Variants in STK26 observed in about 807,000 individuals in gnomAD.
STK26 encodes the protein serine/threonine kinase 26.
In STK26, 14 loss-of-function variants were observed where a neutral mutation model predicts 34.7. The ratio of observed to expected loss-of-function variants is 0.40; its 90% CI spans 0.27 to 0.63. The LOEUF is 0.63. Ranked by LOEUF, STK26 falls within the 30% of genes least tolerant of loss-of-function variation. The probability of loss-of-function intolerance (pLI) is 0.38; values close to 1 mark genes in which losing one functional copy is unlikely to be tolerated. For synonymous variants in STK26, 100 were observed against 109.8 expected (o/e 0.91, Z 0.56); for missense variants, 226 against 309.1 (o/e 0.73, Z 2.02).
chrX:132,037,467 C>G (rs1044012857), intron 2 of STK26, among the ~76,000 whole-genome samples: 4 of 111,660 alleles, frequency 3.6e-5, no homozygotes, highest in African/African-American at 1.3e-4. Flanking sequence ...TTATATTTAT[C>G]AAGATTTTCA....
intron 4 of STK26, among the ~76,000 whole-genome samples, chrX:132,066,906 G>T (rs1927244240): frequency 9.0e-6 from 1 of 111,559 alleles, no homozygotes; most frequent in African/African-American, 3.3e-5. Flanking sequence ...TAAGTAGTGT[G>T]ACATTTGTCC....
At chrX:132,060,869 G>A (rs1464685155) in intron 3 of STK26, among the ~76,000 whole-genome samples, 1 of 110,184 alleles carries the variant, frequency 9.1e-6, no homozygotes, top group Admixed American at 9.7e-5. Flanking sequence ...CTCCCACCTC[G>A]GCCTCCCAAA....
intron 2 of STK26, among the ~76,000 whole-genome samples, chrX:132,054,255 C>T (rs1926782772): frequency 1.8e-5 from 2 of 112,230 alleles, no homozygotes; most frequent in Admixed American, 9.4e-5. Flanking sequence ...GAAACTTAAA[C>T]AGTTCACCTT....
At chrX:132,045,030 T>C (rs1320113089) in intron 2 of STK26, among the ~76,000 whole-genome samples, 2 of 107,640 alleles carry the variant, frequency 1.9e-5, no homozygotes, top group African/African-American at 3.4e-5. Context: ...GCTGAACTTA[T>C]TAGGTCCTTA....
chrX:132,069,871 C>A (rs774019121), intron 7 of STK26, among the ~76,000 whole-genome samples: 1 of 109,904 alleles, frequency 9.1e-6, no homozygotes, highest in African/African-American at 3.3e-5. Flanking sequence ...TCGTTTTTTT[C>A]TTGATCCTCA....
chrX:132,071,679 A>G (rs1282413114), intron 8 of STK26, among the ~76,000 whole-genome samples: 1 of 111,783 alleles, frequency 8.9e-6, no homozygotes, highest in Non-Finnish European at 1.9e-5. Flanking sequence ...TTATTTCTTG[A>G]AAAAGTTGTA....
At chrX:132,072,696 G>T (rs771522922) in intron 9 of STK26, 117 bp from the exon 10 acceptor site, 23 of 741,607 alleles carry the variant, frequency 3.1e-5, no homozygotes, top group Non-Finnish European at 4.5e-5. Context: ...GACTTGCCTT[G>T]CATACAATCT....
At chrX:132,059,504 C>T (rs967878480) in intron 3 of STK26, among the ~76,000 whole-genome samples, 1 of 112,165 alleles carries the variant, frequency 8.9e-6, no homozygotes, top group African/African-American at 3.2e-5. Flanking sequence ...AGTATGACCA[C>T]AGTGTTTTCC....
intron 4 of STK26, among the ~76,000 whole-genome samples, chrX:132,066,723 A>T (rs1211226748): frequency 8.9e-6 from 1 of 112,162 alleles, no homozygotes; most frequent in East Asian, 2.8e-4. Context: ...AAATATTTTT[A>T]AAAACTTCTG....
chrX:132,035,424 T>G (rs1016918736), intron 2 of STK26, among the ~76,000 whole-genome samples: 1 of 110,974 alleles, frequency 9.0e-6, no homozygotes, highest in African/African-American at 3.3e-5. Context: ...TTTAATTTTA[T>G]TATTGTTATA....
At chrX:132,024,296 C>T (rs975840734) in intron 2 of STK26, among the ~76,000 whole-genome samples, 3 of 111,530 alleles carry the variant, frequency 2.7e-5, no homozygotes, top group Non-Finnish European at 5.6e-5. Flanking sequence ...CAGCCCCCTC[C>T]GTGCCTTTCC....
At chrX:132,056,240 T>G (rs947610597) in intron 3 of STK26, among the ~76,000 whole-genome samples, 2 of 112,086 alleles carry the variant, frequency 1.8e-5, no homozygotes, top group Non-Finnish European at 3.8e-5. Context: ...TATTGCCTTA[T>G]GTTGATGTCT....
intron 2 of STK26, among the ~76,000 whole-genome samples, chrX:132,038,617 A>G (rs923126726): frequency 9.0e-6 from 1 of 111,478 alleles, no homozygotes; most frequent in African/African-American, 3.3e-5. Context: ...TAATAAAGAA[A>G]GATGCCAGAA....
intron 4 of STK26, among the ~76,000 whole-genome samples, chrX:132,065,260 A>G (rs1161087145): frequency 1.8e-5 from 2 of 111,912 alleles, no homozygotes; most frequent in Non-Finnish European, 3.8e-5. Context: ...CTTGTCACAG[A>G]GTCATATTAT....
At chrX:132,023,850 C>T (rs891981395) in intron 2 of STK26, among the ~76,000 whole-genome samples, 191 bp downstream of exon 2, 1 of 112,174 alleles carries the variant, frequency 8.9e-6, no homozygotes, top group Non-Finnish European at 1.9e-5. Context: ...GTGCTCTTCG[C>T]TGGGAAGGCG....
At chrX:132,023,864 C>T (rs2124113279) in intron 2 of STK26, among the ~76,000 whole-genome samples, 1 of 112,027 alleles carries the variant, frequency 8.9e-6, no homozygotes, top group African/African-American at 3.2e-5. Flanking sequence ...GAAGGCGAGG[C>T]GGGACTGGAG....
chrX:132,071,924 G>C (rs924371543), intron 8 of STK26, among the ~76,000 whole-genome samples: 1 of 111,298 alleles, frequency 9.0e-6, no homozygotes, highest in Non-Finnish European at 1.9e-5. Flanking sequence ...TATTCTAATG[G>C]GTGTTAGCCT....
chrX:132,043,001 A>G (rs1926319830), intron 2 of STK26, among the ~76,000 whole-genome samples: 2 of 112,006 alleles, frequency 1.8e-5, no homozygotes, highest in Admixed American at 1.9e-4. Context: ...AAGAATGAAA[A>G]GGTAAGTCTA....
intron 2 of STK26, among the ~76,000 whole-genome samples, chrX:132,050,595 G>C (rs1031711502): frequency 1.8e-4 from 20 of 111,933 alleles, no homozygotes; most frequent in African/African-American, 6.2e-4. Flanking sequence ...AAATAAATTC[G>C]TGTGTAAGTG....
Sources: gnomAD v4.1 joint callset for allele counts (sites outside exome capture counted in the v4.1 genomes callset) on GRCh38, gnomAD v4.1.1 for gene constraint, MANE v1.5 for transcripts, NCBI Gene and HGNC (gene_info 2026-07-23, HGNC 2026-07-21) for gene names.